The following CNGB3 variants were observed in gnomAD, a reference collection of about 807,000 sequenced individuals.
CNGB3 encodes the protein cyclic nucleotide-gated channel beta-3.
A neutral mutation model predicts 92.8 loss-of-function variants in CNGB3; 86 were observed. The observed-to-expected ratio is 0.93, with a 90% CI of 0.78 to 1.11. The LOEUF (loss-of-function observed/expected upper bound fraction) is 1.11. Ranked by LOEUF, CNGB3 falls within the 50% of genes least tolerant of loss-of-function variation. The pLI is 0.00. For synonymous variants in CNGB3, 333 were observed against 332.7 expected (o/e 1.00, Z -0.01); for missense variants, 1,026 against 956.8 (o/e 1.07, Z -0.95).
At chr8:86,660,823 T>C (rs1823627057) in intron 6 of CNGB3, 1 of 457,726 alleles carries the variant, frequency 2.2e-6, no homozygotes, top group Non-Finnish European at 4.5e-6. Context: ...TGAATACCAA[T>C]ACTAATAACT....
intron 15 of CNGB3, among the ~76,000 whole-genome samples, chr8:86,582,106 T>A (rs1184320432): frequency 2.4e-5 from 2 of 81,750 alleles, no homozygotes; most frequent in Non-Finnish European, 6.1e-5. Context: ...ATTGGAGTTA[T>A]TAGGAAATAT....
At chr8:86,693,056 C>A (rs1046524290) in intron 3 of CNGB3, among the ~76,000 whole-genome samples, 10 of 152,096 alleles carry the variant, frequency 6.6e-5, no homozygotes, top group Middle Eastern at 3.2e-3. Context: ...AAGACAGGAC[C>A]CCAATCCCTT....
At chr8:86,732,519 G>A (rs1032271614) in intron 2 of CNGB3, among the ~76,000 whole-genome samples, 1 of 152,198 alleles carries the variant, frequency 6.6e-6, no homozygotes, top group African/African-American at 2.4e-5. Context: ...GAGGGAAAAG[G>A]AGAAAAAGTA....
At chr8:86,667,841 C>T (rs1396163715) in intron 5 of CNGB3, among the ~76,000 whole-genome samples, 178 bp downstream of exon 5, 1 of 152,092 alleles carries the variant, frequency 6.6e-6, no homozygotes, top group Non-Finnish European at 1.5e-5. Context: ...TATTGTATTT[C>T]TTGTCTTCAC....
At chr8:86,638,472 G>C (rs1416569495) in intron 10 of CNGB3, among the ~76,000 whole-genome samples, 1 of 152,012 alleles carries the variant, frequency 6.6e-6, no homozygotes, top group Non-Finnish European at 1.5e-5. Flanking sequence ...ATTTTTAAAA[G>C]TACCCCTTCT....
chr8:86,600,776 A>ATTTTTTTTT lies in CNGB3; in HGVS notation c.1781+3308_1781+3316dup, dbSNP rs533111246. ...AGGTGCCCACCACCACGCTCGGCTA[A>ATTTTTTTTT]TTTTTTTTTTTTTTTTTTTTTTTTT... On this transcript the variant is annotated intron_variant, in intron 15 of 17. Transcript: ENST00000320005. Among the ~76,000 whole-genome samples, 12 of 38,424 alleles carry ATTTTTTTTT rather than the reference A, an allele frequency of 3.1e-4. 1 individual carries two copies. The highest frequency in any genetic ancestry group is 8.4e-4 in the African/African-American group (9 of 10,770). The allele number at this position is 38,424 out of a possible 152,430, so 25.2% of individuals were successfully genotyped here.
At chr8:86,615,409 C>T (rs888121745) in intron 13 of CNGB3, among the ~76,000 whole-genome samples, 1 of 152,004 alleles carries the variant, frequency 6.6e-6, no homozygotes, top group African/African-American at 2.4e-5. Context: ...TTGAGACCAG[C>T]TTGGCCAACA....
chr8:86,690,538 G>T (rs1255909267), intron 3 of CNGB3, among the ~76,000 whole-genome samples: 2 of 152,050 alleles, frequency 1.3e-5, no homozygotes, highest in African/African-American at 4.8e-5. Context: ...AGTTTCTTTT[G>T]CTGTGCAGAA....
intron 3 of CNGB3, among the ~76,000 whole-genome samples, chr8:86,699,133 G>A (rs1327960416): frequency 6.6e-6 from 1 of 152,130 alleles, no homozygotes; most frequent in African/African-American, 2.4e-5. Context: ...GGATAGTAAA[G>A]TTACGCCCAC....
chr8:86,690,259 C>T (rs1824283101), intron 3 of CNGB3, among the ~76,000 whole-genome samples: 1 of 152,174 alleles, frequency 6.6e-6, no homozygotes, highest in Non-Finnish European at 1.5e-5. Flanking sequence ...ACCATTCTAA[C>T]TGGTGTGAGA....
At chr8:86,603,974 A>T in intron 15 of CNGB3, 119 bp downstream of exon 15, 1 of 720,760 alleles carries the variant, frequency 1.4e-6, no homozygotes, top group Non-Finnish European at 2.4e-6. Context: ...TTATTTTACG[A>T]ATGCTCTCAG....
chr8:86,632,675 C>T (rs1822984624), intron 11 of CNGB3, 77 bp downstream of exon 11: 3 of 1,454,858 alleles, frequency 2.1e-6, no homozygotes, highest in Admixed American at 3.9e-5. Flanking sequence ...TTAATTTTTC[C>T]TCCATAAAGT....
intron 6 of CNGB3, chr8:86,661,497 A>G: frequency 4.7e-6 from 3 of 636,554 alleles, no homozygotes; most frequent in Non-Finnish European, 9.0e-6. Flanking sequence ...TGAAACTTGC[A>G]CTGACCCAAA....
intron 3 of CNGB3, among the ~76,000 whole-genome samples, chr8:86,709,065 T>A (rs1225660104): frequency 6.6e-6 from 1 of 152,198 alleles, no homozygotes; most frequent in Non-Finnish European, 1.5e-5. Context: ...CATGTTTACA[T>A]GCTTATAGAA....
chr8:86,599,679 T>C (rs1437379842), intron 15 of CNGB3, among the ~76,000 whole-genome samples: 1 of 151,756 alleles, frequency 6.6e-6, no homozygotes, highest in African/African-American at 2.4e-5. Flanking sequence ...CAGTCTCCTA[T>C]AGCACTCCCA....
intron 13 of CNGB3, among the ~76,000 whole-genome samples, chr8:86,615,533 G>A (rs1413817359): frequency 5.9e-5 from 9 of 152,096 alleles, no homozygotes; most frequent in African/African-American, 1.7e-4. Context: ...AACCTGGGAG[G>A]CGGAGGTTGC....
At chr8:86,680,683 A>G (rs528889030) in intron 3 of CNGB3, among the ~76,000 whole-genome samples, 14 of 152,290 alleles carry the variant, frequency 9.2e-5, no homozygotes, top group African/African-American at 3.4e-4. Context: ...ATGCCCAGAC[A>G]GTGAGTTGGT....
intron 4 of CNGB3, among the ~76,000 whole-genome samples, chr8:86,669,671 T>C (rs1823817646): frequency 6.6e-6 from 1 of 152,212 alleles, no homozygotes; most frequent in Non-Finnish European, 1.5e-5. Context: ...ACAGTTTATT[T>C]TGAAAACCCA....
intron 10 of CNGB3, among the ~76,000 whole-genome samples, chr8:86,638,710 T>G (rs905286253): frequency 7.9e-5 from 12 of 152,190 alleles, no homozygotes; most frequent in African/African-American, 2.9e-4. Context: ...CTTACTGAAA[T>G]GAGAATGTAG....
Sources: gnomAD v4.1 joint callset for allele counts (sites outside exome capture counted in the v4.1 genomes callset) on GRCh38, gnomAD v4.1.1 for gene constraint, MANE v1.5 for transcripts, NCBI Gene and HGNC (gene_info 2026-07-23, HGNC 2026-07-21) for gene names.